TTC17: variants seen among roughly 807,000 people sequenced by gnomAD.
The protein encoded by TTC17 is tetratricopeptide repeat domain 17, also known as tetratricopeptide repeat protein 17.
Under a neutral mutation model 143.8 loss-of-function variants are expected in TTC17, and 58 were observed. That is an observed-to-expected ratio of 0.40 (90% CI 0.33 to 0.50). The LOEUF (loss-of-function observed/expected upper bound fraction) is 0.50. Among genes scored for constraint, TTC17 ranks in the 20% least tolerant of loss-of-function variants. The probability of loss-of-function intolerance (pLI) is 0.49; values close to 1 mark genes in which losing one functional copy is unlikely to be tolerated. For missense variants in TTC17, 1,273 were observed against 1,392.5 expected, an observed-to-expected ratio of 0.91 and a Z score of 1.37; for synonymous variants, 501 against 497.8, an observed-to-expected ratio of 1.01 and a Z score of -0.09.
intron 16 of TTC17, among the ~76,000 whole-genome samples, chr11:43,418,677 TAAA>T (rs1180858237): frequency 5.3e-5 from 8 of 151,942 alleles, no homozygotes; most frequent in Non-Finnish European, 1.2e-4. Context: ...TTGGAAAAAA[TAAA>T]AGTGTCACAG....
chr11:43,398,158 C>T, intron 8 of TTC17, 45 bp downstream of exon 8: 2 of 1,607,156 alleles, frequency 1.2e-6, no homozygotes, highest in Non-Finnish European at 1.7e-6. Context: ...CACTATCGAA[C>T]CTTAGGTTAA....
At chr11:43,477,491 C>T (rs1446597222) in intron 21 of TTC17, among the ~76,000 whole-genome samples, 2 of 152,156 alleles carry the variant, frequency 1.3e-5, no homozygotes, top group East Asian at 3.8e-4. Flanking sequence ...GCTGGGGAGG[C>T]CTCAGAATCA....
intron 15 of TTC17, among the ~76,000 whole-genome samples, chr11:43,409,064 C>A (rs1418702670): frequency 6.6e-6 from 1 of 152,112 alleles, no homozygotes; most frequent in African/African-American, 2.4e-5. Flanking sequence ...CCTTAATCAG[C>A]ACCCTCTTCC....
intron 2 of TTC17, among the ~76,000 whole-genome samples, chr11:43,382,794 G>A (rs1857020502): frequency 1.3e-5 from 2 of 152,174 alleles, no homozygotes; most frequent in Admixed American, 1.3e-4. Context: ...AGAGGAACAT[G>A]TTCAGTGAAC....
At position 43,391,582 on chromosome 11, in the gene TTC17, T is replaced by A; in HGVS notation, c.531+6T>A. 6.6e-7 allele frequency: 1 copy of A among 1,520,082 alleles called. No individual in the cohort carries two copies. Among genetic ancestry groups the A allele is most frequent in the Non-Finnish European group, 8.8e-7 (1 of 1,136,290 alleles). 94.2% of individuals were successfully genotyped at this position (1,520,082 alleles called of 1,614,324 possible). ...ATGCTTTTCAGCACTTGAGAGTAAGTAGAGAACTTTAGGATTTTTTTTTTT... is the reference window on the plus strand; with the variant it reads ...ATGCTTTTCAGCACTTGAGAGTAAGAAGAGAACTTTAGGATTTTTTTTTTT... On this transcript the variant is annotated splice_donor_region_variant and intron_variant, in intron 4 of 23. Transcript: ENST00000039989.
chr11:43,435,821 T>C (rs904603788), intron 16 of TTC17, among the ~76,000 whole-genome samples: 7 of 152,330 alleles, frequency 4.6e-5, no homozygotes, highest in South Asian at 2.1e-4. Context: ...TTCTCACAAA[T>C]AGAAGGAAAG....
intron 16 of TTC17, among the ~76,000 whole-genome samples, chr11:43,422,751 G>T (rs1366410984): frequency 6.6e-6 from 1 of 152,166 alleles, no homozygotes; most frequent in East Asian, 1.9e-4. Context: ...CATGGAGATT[G>T]TTGGTAATCT....
intron 16 of TTC17, among the ~76,000 whole-genome samples, chr11:43,438,983 A>G (rs1947354575): frequency 6.6e-6 from 1 of 152,120 alleles, no homozygotes; most frequent in Admixed American, 6.5e-5. Flanking sequence ...TGAGCCTCTC[A>G]TTTCTAGTTT....
chr11:43,454,810 T>C (rs969490485), intron 21 of TTC17, among the ~76,000 whole-genome samples: 1 of 151,820 alleles, frequency 6.6e-6, no homozygotes, highest in Admixed American at 6.6e-5. Context: ...CAGAAACAAA[T>C]GTCATAAAGC....
intron 21 of TTC17, among the ~76,000 whole-genome samples, chr11:43,486,083 A>G (rs1842353005): frequency 1.3e-5 from 2 of 152,036 alleles, no homozygotes. Flanking sequence ...TAAACACAAC[A>G]TGAATGAATC....
At chr11:43,375,585 T>C (rs1335921394) in intron 1 of TTC17, among the ~76,000 whole-genome samples, 1 of 152,100 alleles carries the variant, frequency 6.6e-6, no homozygotes, top group Non-Finnish European at 1.5e-5. Context: ...AGTTTCCAAG[T>C]GCTATTTGGA....
chr11:43,461,252 C>T (rs979412748), intron 21 of TTC17, among the ~76,000 whole-genome samples: 1 of 151,782 alleles, frequency 6.6e-6, no homozygotes, highest in Non-Finnish European at 1.5e-5. Flanking sequence ...GGCGCAGTGG[C>T]GGGCGCCTGT....
At chr11:43,431,899 G>A (rs1005850873) in intron 16 of TTC17, among the ~76,000 whole-genome samples, 2 of 152,188 alleles carry the variant, frequency 1.3e-5, no homozygotes, top group Non-Finnish European at 2.9e-5. Flanking sequence ...CTTGTCTTGC[G>A]CCAGGCTGTA....
chr11:43,493,596 A>G (rs1477322736), intron 23 of TTC17, among the ~76,000 whole-genome samples, 177 bp from the exon 24 acceptor site: 1 of 152,108 alleles, frequency 6.6e-6, no homozygotes, highest in Non-Finnish European at 1.5e-5. Flanking sequence ...CTCGGGAATG[A>G]AGGCAGCTGT....
intron 10 of TTC17, among the ~76,000 whole-genome samples, chr11:43,403,397 C>G (rs1344514371): frequency 1.3e-5 from 2 of 152,170 alleles, no homozygotes; most frequent in Admixed American, 1.3e-4. Flanking sequence ...TTCTCATTAT[C>G]TAGCAAGGTT....
chr11:43,384,632 A>G (rs916017488), intron 2 of TTC17, among the ~76,000 whole-genome samples: 1 of 152,244 alleles, frequency 6.6e-6, no homozygotes, highest in Admixed American at 6.5e-5. Context: ...GCACTCTAGC[A>G]GCCTGGGTCA....
intron 16 of TTC17, among the ~76,000 whole-genome samples, chr11:43,421,982 T>G (rs1049522328): frequency 1.3e-5 from 2 of 152,190 alleles, no homozygotes; most frequent in African/African-American, 4.8e-5. Context: ...ATTCCTCTGG[T>G]TGCTCTGTTG....
intron 21 of TTC17, among the ~76,000 whole-genome samples, chr11:43,470,515 G>A (rs1456241102): frequency 1.3e-5 from 2 of 152,206 alleles, no homozygotes. Flanking sequence ...TCAGGTATTT[G>A]TAGTTTATTT....
chr11:43,453,509 A>G (rs1947705086), intron 21 of TTC17, among the ~76,000 whole-genome samples: 1 of 152,206 alleles, frequency 6.6e-6, no homozygotes, highest in Non-Finnish European at 1.5e-5. Context: ...TTTATATGCT[A>G]CCAAACTGAC....
Sources: gnomAD v4.1 joint callset for allele counts (sites outside exome capture counted in the v4.1 genomes callset) on GRCh38, gnomAD v4.1.1 for gene constraint, MANE v1.5 for transcripts, NCBI Gene and HGNC (gene_info 2026-07-23, HGNC 2026-07-21) for gene names.